Variants in DMKN observed in about 807,000 individuals in gnomAD.
DMKN encodes dermokine.
In DMKN, 58 loss-of-function variants were observed where a neutral mutation model predicts 67.6. The ratio of observed to expected loss-of-function variants is 0.86; its 90% CI spans 0.69 to 1.07. The LOEUF is 1.07. Ranked by LOEUF, DMKN falls within the 50% of genes least tolerant of loss-of-function variation. The pLI, the probability that DMKN is intolerant of heterozygous loss-of-function variation, is 0.00. For missense variants in DMKN, 596 were observed against 601.5 expected (o/e 0.99, Z 0.10); for synonymous variants, 240 against 232.3 (o/e 1.03, Z -0.30).
chr19:35,506,479 G>A (rs148381377), intron 7 of DMKN: 5,858 of 583,260 alleles, frequency 0.01, 54 homozygotes, highest in Non-Finnish European at 0.015. Flanking sequence ...ATTAGCTAAC[G>A]TGTAGTCCCA....
At chr19:35,506,806 G>T (rs1040584386) in intron 7 of DMKN, 38 of 250,634 alleles carry the variant, frequency 1.5e-4, no homozygotes, top group African/African-American at 8.2e-4. Context: ...CTGAGGTCAG[G>T]AGTTTGAAAA....
chr19:35,507,799 T>G, intron 7 of DMKN: 1 of 452,170 alleles, frequency 2.2e-6, no homozygotes, highest in Non-Finnish European at 4.0e-6. Flanking sequence ...CCGCCCAAAA[T>G]CCATCAGGGA....
chr19:35,499,161 G>A (rs1009923804), intron 13 of DMKN: 17 of 529,588 alleles, frequency 3.2e-5, no homozygotes, highest in Middle Eastern at 5.1e-4. Flanking sequence ...CATAGGCCTC[G>A]CTTTGGCCTG....
At chr19:35,511,908 G>C in intron 3 of DMKN, 95 bp from the exon 4 acceptor site, 1 of 1,387,968 alleles carries the variant, frequency 7.2e-7, no homozygotes, top group Non-Finnish European at 9.7e-7. Context: ...CATTCTTTGG[G>C]GCTTGGCTTC....
chr19:35,507,455 C>T (rs370046063), intron 7 of DMKN: 224 of 1,551,168 alleles, frequency 1.4e-4, no homozygotes, highest in Non-Finnish European at 1.8e-4. Flanking sequence ...CCCCTAGGCT[C>T]ACCCTATAAT....
Position 35,500,345 on chromosome 19 carries a change from C to T in DMKN, c.1287+188G>A, listed in dbSNP as rs772286313. The T allele has an allele frequency of 2.3e-5, 35 of 1,548,922 alleles. 1 individual carries two copies. Among genetic ancestry groups the T allele is most frequent in the Middle Eastern group, 3.3e-4 (2 of 6,000 alleles). ...GAGACCAAGAAAAGAAGTGCCAGGA[C>T]GTAACCCAGCGGGTCCATGGTAGAT... On this transcript the variant is annotated intron_variant, in intron 12 of 15. Coordinates refer to ENST00000339686, the MANE Select transcript of DMKN (RefSeq NM_033317.5).
intron 10 of DMKN, among the ~76,000 whole-genome samples, chr19:35,502,407 G>A (rs1372097519): frequency 1.3e-5 from 2 of 152,100 alleles, no homozygotes; most frequent in Non-Finnish European, 2.9e-5. Context: ...CAAAAATGAA[G>A]AGGGGGAGTT....
intron 9 of DMKN, chr19:35,503,343 G>C (rs2068755418): frequency 1.3e-6 from 2 of 1,545,802 alleles, no homozygotes; most frequent in Non-Finnish European, 8.7e-7. Flanking sequence ...CAAGGGCTGA[G>C]ATTAGTGATG....
intron 7 of DMKN, chr19:35,508,495 C>G (rs1177000008): frequency 2.8e-6 from 1 of 359,548 alleles, no homozygotes; most frequent in African/African-American, 2.1e-5. Flanking sequence ...ATAAAGCAGT[C>G]CTGTCCGACA....
Position 35,511,596 on chromosome 19 carries a change from GAGGGGC to G in DMKN, c.736-9_736-4del. The G allele has an allele frequency of 6.2e-7, 1 of 1,611,712 alleles. No homozygotes were observed. ...CCCGACTGTGAGCCGCTGCCTCCCTGAGGGGCAGGAAGGGAGCAGGGCTGGGATTAA... is the reference window on the plus strand; with the variant it reads ...CCCGACTGTGAGCCGCTGCCTCCCTGAGGAAGGGAGCAGGGCTGGGATTAA... On this transcript the variant is annotated splice_region_variant and splice_polypyrimidine_tract_variant and intron_variant, in intron 4 of 15. Transcript: ENST00000339686.
intron 3 of DMKN, among the ~76,000 whole-genome samples, 180 bp from the exon 4 acceptor site, chr19:35,511,993 CTTT>C (rs11285451): frequency 1.2e-4 from 14 of 113,048 alleles, no homozygotes; most frequent in African/African-American, 3.4e-4. Flanking sequence ...TCTCTTCCTC[CTTT>C]TTTTTTTTTT....
chr19:35,500,992 T>C (rs924765156), intron 11 of DMKN, among the ~76,000 whole-genome samples: 2 of 152,194 alleles, frequency 1.3e-5, no homozygotes, highest in African/African-American at 4.8e-5. Context: ...ACAGGGTGCT[T>C]GAAGGAGGGG....
intron 11 of DMKN, 41 bp downstream of exon 11, chr19:35,502,095 G>C (rs768520767): frequency 6.2e-7 from 1 of 1,613,482 alleles, no homozygotes; most frequent in Admixed American, 1.7e-5. Context: ...CCAGGGCCCC[G>C]AACCCTGTGT....
Position 35,511,762 on chromosome 19 carries a change from C to T in DMKN, c.735+1G>A, listed in dbSNP as rs369596067. 12 of 1,613,100 alleles carry T rather than the reference C, an allele frequency of 7.4e-6. No homozygotes were observed. The South Asian group carries it at 1.3e-4, about 18-fold the overall frequency. ...CTCCTGGGTTGCCCCTCTCCACTCA[C>T]CCCAGAGTTGCTGGAGCCTCCACCT... On this transcript the variant is annotated splice_donor_variant, in intron 4 of 15. Transcript: ENST00000339686. LOFTEE classifies it high-confidence loss of function.
chr19:35,501,997 C>T, intron 11 of DMKN, 139 bp downstream of exon 11: 6 of 1,550,856 alleles, frequency 3.9e-6, no homozygotes, highest in Non-Finnish European at 5.2e-6. Context: ...CTCCCTCTCA[C>T]CCCGCCCCCA....
intron 11 of DMKN, 100 bp from the exon 12 acceptor site, chr19:35,500,680 G>A (rs1439071397): frequency 5.9e-6 from 8 of 1,358,698 alleles, no homozygotes; most frequent in East Asian, 2.5e-5. Context: ...CCCTTTCCAC[G>A]TGCTACCTAT....
intron 9 of DMKN, among the ~76,000 whole-genome samples, chr19:35,504,853 A>G (rs1397147433): frequency 7.9e-6 from 1 of 126,248 alleles, no homozygotes; most frequent in Non-Finnish European, 1.7e-5. Flanking sequence ...CCCCCCACCC[A>G]TTCCCAACAC....
chr19:35,512,419 A>T lies in DMKN; in HGVS notation c.684+2T>A. 1.2e-6 allele frequency: 2 copies of T among 1,613,308 alleles called. No homozygotes were observed. Among genetic ancestry groups the T allele is most frequent in the Non-Finnish European group, 1.7e-6 (2 of 1,179,816 alleles). ...CATTTGTTCCCAGCCCCTTCCTCTT[A>T]CCCCTTCATTCTGGTTGCTGGCTCT... On this transcript the variant is annotated splice_donor_variant, in intron 3 of 15. Transcript: ENST00000339686. LOFTEE classifies it high-confidence loss of function.
intron 14 of DMKN, 25 bp from the exon 15 acceptor site, chr19:35,498,788 G>A: frequency 6.2e-7 from 1 of 1,614,174 alleles, no homozygotes; most frequent in Non-Finnish European, 8.5e-7. Context: ...GAAAGTCTGA[G>A]TGGCCACCAC....
Sources: gnomAD v4.1 joint callset for allele counts (sites outside exome capture counted in the v4.1 genomes callset) on GRCh38, gnomAD v4.1.1 for gene constraint, MANE v1.5 for transcripts, NCBI Gene and HGNC (gene_info 2026-07-23, HGNC 2026-07-21) for gene names.